The following SEMA3D variants were observed in gnomAD, a reference collection of about 807,000 sequenced individuals.
SEMA3D encodes semaphorin-3D.
SEMA3D carries 84 observed loss-of-function variants against 100.1 expected under a neutral mutation model. The observed-to-expected ratio is 0.84, with a 90% confidence interval of 0.70 to 1.01. The LOEUF (loss-of-function observed/expected upper bound fraction) is 1.01. Among genes scored for constraint, SEMA3D ranks in the 50% least tolerant of loss-of-function variants. The pLI is 0.00. For missense variants in SEMA3D, 875 were observed against 934.1 expected (o/e 0.94, Z 0.82); for synonymous variants, 312 against 320.7 (o/e 0.97, Z 0.29).
intron 11 of SEMA3D, 78 bp downstream of exon 11, chr7:85,040,595 C>T: frequency 1.3e-6 from 1 of 760,746 alleles, no homozygotes; most frequent in South Asian, 1.6e-5. Context: ...AACGCAGGGA[C>T]AAAAAGATCC....
chr7:85,019,552 A>G (rs941893710), intron 14 of SEMA3D, among the ~76,000 whole-genome samples: 3 of 151,792 alleles, frequency 2.0e-5, no homozygotes, highest in Non-Finnish European at 4.4e-5. Context: ...AACTGTCTCA[A>G]TAAAAATGTT....
At chr7:85,167,167 A>T in intron 1 of SEMA3D, 1 of 556,588 alleles carries the variant, frequency 1.8e-6, no homozygotes, top group Non-Finnish European at 2.3e-6. Flanking sequence ...ATGTTTCATC[A>T]TGCAGGGAGC....
At chr7:85,028,402 A>G in intron 12 of SEMA3D, 4 of 455,056 alleles carry the variant, frequency 8.8e-6, no homozygotes, top group Non-Finnish European at 1.2e-5. Context: ...AAAAAAAAAA[A>G]AGGTTGGAGC....
In SEMA3D at chr7:85,117,918, T is replaced by C. The variant is rs923607348; in HGVS notation, c.151+3823A>G. On this transcript the variant is annotated intron_variant, in intron 3 of 18. Transcript: ENST00000284136. Reference sequence around the variant, plus strand: ...ATATATAGATATAAATATATAGATATCTTTTTAAAACAATAGAGCTTGTAA... The same window carrying C: ...ATATATAGATATAAATATATAGATACCTTTTTAAAACAATAGAGCTTGTAA... Among the ~76,000 whole-genome samples the C allele has an allele frequency of 2.6e-5, 4 of 151,362 alleles. No individual in the cohort carries two copies. In the East Asian group the frequency reaches 5.8e-4, roughly 22 times the overall value.
At chr7:85,069,306 T>C (rs1364072646) in intron 6 of SEMA3D, among the ~76,000 whole-genome samples, 1 of 152,188 alleles carries the variant, frequency 6.6e-6, no homozygotes, top group African/African-American at 2.4e-5. Flanking sequence ...ACAAGACCAA[T>C]AGTAACTATT....
intron 2 of SEMA3D, among the ~76,000 whole-genome samples, chr7:85,143,874 C>T (rs564440895): frequency 3.3e-5 from 5 of 151,778 alleles, no homozygotes; most frequent in South Asian, 2.1e-4. Context: ...CCACACCTGG[C>T]GAATTTTTGT....
intron 2 of SEMA3D, chr7:85,143,239 G>A: frequency 3.1e-6 from 2 of 641,716 alleles, no homozygotes; most frequent in Non-Finnish European, 3.9e-6. Context: ...TAAAGTAAAT[G>A]TTAATACTTT....
At chr7:85,115,593 A>G (rs1234004260) in intron 3 of SEMA3D, among the ~76,000 whole-genome samples, 1 of 151,908 alleles carries the variant, frequency 6.6e-6, no homozygotes, top group Non-Finnish European at 1.5e-5. Context: ...GGATTTTAAT[A>G]TTTGTTTTCT....
At chr7:85,121,060 G>T (rs1263911493) in intron 3 of SEMA3D, among the ~76,000 whole-genome samples, 1 of 152,080 alleles carries the variant, frequency 6.6e-6, no homozygotes, top group East Asian at 1.9e-4. Context: ...GAATAAAGAA[G>T]TTTTATTCTC....
rs199644382 is a variant in SEMA3D, at chr7:85,097,839, A to G, written c.278T>C (p.Leu93Pro). The G allele has an allele frequency of 1.2e-6, 2 of 1,607,368 alleles. No homozygotes were observed. The highest frequency in any genetic ancestry group is 1.7e-5 in the Admixed American group (1 of 59,794). The change falls in exon 4 of 19, where the codon CTC (leucine) becomes CCC (proline). Residue 93 changes from leucine to proline, a missense_variant. Leu to Pro is a moderately conservative substitution (Grantham distance 98). Transcript: ENST00000284136. ...ATTTTTGTTTAAGTCAACCAGACTGAGTAGAAAGATGTGGTCTTTGGCTCC... is the reference window on the plus strand; with the variant it reads ...ATTTTTGTTTAAGTCAACCAGACTGGGTAGAAAGATGTGGTCTTTGGCTCC... ...LLGAKDHIFL[L>P]SLVDLNKNFK...
At chr7:85,086,449 G>T (rs977153157) in intron 4 of SEMA3D, among the ~76,000 whole-genome samples, 3 of 151,536 alleles carry the variant, frequency 2.0e-5, no homozygotes, top group Non-Finnish European at 4.4e-5. Context: ...TTAAAGATCC[G>T]CTCTTATTCT....
At chr7:85,077,747 A>G (rs996379098) in intron 5 of SEMA3D, among the ~76,000 whole-genome samples, 1 of 152,150 alleles carries the variant, frequency 6.6e-6, no homozygotes, top group Admixed American at 6.5e-5. Context: ...CCCTCCCTTG[A>G]TCACATACTG....
the SEMA3D span, among the ~76,000 whole-genome samples, chr7:85,215,739 T>C: frequency 8.7e-4 from 133 of 152,258 alleles, 1 homozygote; most frequent in African/African-American, 3.1e-3. Flanking sequence ...CATGTAAATA[T>C]ATATTACACT....
At chr7:85,185,560 A>G (rs938715405) in intron 1 of SEMA3D, among the ~76,000 whole-genome samples, 1 of 152,156 alleles carries the variant, frequency 6.6e-6, no homozygotes, top group Admixed American at 6.5e-5. Flanking sequence ...AAGTTCGGCT[A>G]TTTAACTCCT....
At chr7:85,249,240 A>G in the SEMA3D span, among the ~76,000 whole-genome samples, 1 of 152,288 alleles carries the variant, frequency 6.6e-6, no homozygotes, top group East Asian at 1.9e-4. Context: ...CCTCCCCAAA[A>G]CATATAATCC....
intron 2 of SEMA3D, chr7:85,140,647 A>C: frequency 1.0e-6 from 1 of 971,080 alleles, no homozygotes; most frequent in Non-Finnish European, 1.2e-6. Context: ...ATAGCCTACA[A>C]CCTGCAAGAC....
At chr7:85,124,790 G>A (rs927472582) in intron 2 of SEMA3D, among the ~76,000 whole-genome samples, 1 of 152,008 alleles carries the variant, frequency 6.6e-6, no homozygotes, top group Admixed American at 6.6e-5. Flanking sequence ...TAGAACAGAA[G>A]GACACCAAAG....
intron 1 of SEMA3D, among the ~76,000 whole-genome samples, chr7:85,183,680 A>G (rs986189976): frequency 6.6e-6 from 1 of 152,206 alleles, no homozygotes; most frequent in Non-Finnish European, 1.5e-5. Flanking sequence ...TGAAAGGCAA[A>G]AGAAAGCCAC....
At chr7:85,115,166 C>T (rs1275595778) in intron 3 of SEMA3D, among the ~76,000 whole-genome samples, 1 of 152,112 alleles carries the variant, frequency 6.6e-6, no homozygotes, top group African/African-American at 2.4e-5. Flanking sequence ...CAGGTAAATG[C>T]CTCAGGAAAG....
Sources: allele counts gnomAD v4.1 joint callset (sites outside exome capture counted in the v4.1 genomes callset), GRCh38; gene constraint gnomAD v4.1.1; transcripts MANE v1.5; gene names NCBI Gene and HGNC (gene_info 2026-07-23, HGNC 2026-07-21).